MAGI1: variants seen among roughly 807,000 people sequenced by gnomAD.
The protein encoded by MAGI1 is membrane-associated guanylate kinase, WW and PDZ domain-containing protein 1.
Under a neutral mutation model 139.9 loss-of-function variants are expected in MAGI1, and 58 were observed. That is an observed-to-expected ratio of 0.41 (90% CI 0.34 to 0.52). MAGI1 has a LOEUF of 0.52. MAGI1 is among the 20% of genes least tolerant of loss of function. MAGI1 has a pLI of 0.12. For synonymous variants in MAGI1, 812 were observed against 737.9 expected (o/e 1.10, Z -1.63); for missense variants, 1,874 against 1,901.6 (o/e 0.99, Z 0.27).
chr3:65,848,001 C>A (rs1017025091), intron 1 of MAGI1, among the ~76,000 whole-genome samples: 1 of 152,184 alleles, frequency 6.6e-6, no homozygotes, highest in East Asian at 1.9e-4. Flanking sequence ...GAGACTTCAA[C>A]ATTTTGGTTG....
intron 4 of MAGI1, among the ~76,000 whole-genome samples, chr3:65,473,520 T>C (rs1950680220): frequency 6.6e-6 from 1 of 151,858 alleles, no homozygotes; most frequent in Non-Finnish European, 1.5e-5. Context: ...AAAGAATAAT[T>C]TCATTTGAAA....
intron 1 of MAGI1, among the ~76,000 whole-genome samples, chr3:66,016,999 G>C (rs1467106530): frequency 6.6e-6 from 1 of 152,166 alleles, no homozygotes. Context: ...AAGGGGAATG[G>C]GGAGTTGGTA....
At chr3:66,023,525 AC>A (rs2068072082) in intron 1 of MAGI1, among the ~76,000 whole-genome samples, 1 of 152,216 alleles carries the variant, frequency 6.6e-6, no homozygotes, top group African/African-American at 2.4e-5. Flanking sequence ...GAAGGGCTAC[AC>A]TGGTTTGCAA....
At chr3:65,808,618 C>T (rs1016188904) in intron 1 of MAGI1, among the ~76,000 whole-genome samples, 13 of 152,198 alleles carry the variant, frequency 8.5e-5, no homozygotes, top group Non-Finnish European at 1.6e-4. Flanking sequence ...ATGTAAGCAG[C>T]CAGCACGCTC....
intron 1 of MAGI1, among the ~76,000 whole-genome samples, chr3:65,943,773 G>T (rs1166917985): frequency 6.6e-6 from 1 of 152,130 alleles, no homozygotes; most frequent in Non-Finnish European, 1.5e-5. Flanking sequence ...ATTCCAAGAA[G>T]AATATTCTGT....
At chr3:65,391,023 T>G in intron 14 of MAGI1, 119 bp downstream of exon 14, 1 of 819,406 alleles carries the variant, frequency 1.2e-6, no homozygotes, top group Non-Finnish European at 2.0e-6. Flanking sequence ...TTTTGCATCT[T>G]GCGGATTTCA....
intron 1 of MAGI1, among the ~76,000 whole-genome samples, chr3:65,701,241 C>T (rs186317630): frequency 6.6e-6 from 1 of 152,294 alleles, no homozygotes; most frequent in Admixed American, 6.5e-5. Context: ...AAGAAAAGCT[C>T]TAACTTGATT....
At chr3:65,472,277 A>G (rs1176832457) in intron 4 of MAGI1, among the ~76,000 whole-genome samples, 1 of 152,172 alleles carries the variant, frequency 6.6e-6, no homozygotes, top group Non-Finnish European at 1.5e-5. Flanking sequence ...CATTTCTGGC[A>G]TATCTTTGGA....
At position 65,363,482 on chromosome 3, in the gene MAGI1, T is replaced by A. The variant is rs1015348608; in HGVS notation, c.3478A>T (p.Arg1160Trp). The A allele has an allele frequency of 1.2e-6, 2 of 1,612,112 alleles. No individual in the cohort carries two copies. The highest frequency in any genetic ancestry group is 1.7e-6 in the Non-Finnish European group (2 of 1,179,056). ...LRLAEDGPAE[R>W]CGKMRIGDEI... ...CCACTTACCCTCATCTTTCCACACCTCTCCGCAGGACCGTCCTCTGCTAAG... is the reference window on the plus strand; with the variant it reads ...CCACTTACCCTCATCTTTCCACACCACTCCGCAGGACCGTCCTCTGCTAAG... The change falls in exon 21 of 23, where the codon AGG becomes TGG. Residue 1160 changes from arginine to tryptophan, a missense_variant. Coordinates refer to ENST00000402939, the MANE Select transcript of MAGI1 (RefSeq NM_001033057.2).
intron 1 of MAGI1, among the ~76,000 whole-genome samples, chr3:65,782,379 C>T (rs2039001744): frequency 6.6e-6 from 1 of 151,970 alleles, no homozygotes; most frequent in Admixed American, 6.6e-5. Flanking sequence ...CAGATTCTCC[C>T]ATAAAGCCTT....
chr3:65,739,340 G>A (rs953277576), intron 1 of MAGI1, among the ~76,000 whole-genome samples: 5 of 152,138 alleles, frequency 3.3e-5, no homozygotes, highest in African/African-American at 1.2e-4. Flanking sequence ...TCTGGATCAG[G>A]CTTTGGCTTA....
rs80288533 is a variant in MAGI1, at chr3:65,931,713, T to C, written c.313+106283A>G. On this transcript the variant is annotated intron_variant, in intron 1 of 22. Transcript: ENST00000402939. Reference sequence around the variant, plus strand: ...GCATTCTTGTGCTCTCTTCAACTTATATTACAGGGTAAAAAAACAGTTCCG... The same window carrying C: ...GCATTCTTGTGCTCTCTTCAACTTACATTACAGGGTAAAAAAACAGTTCCG... 3.6e-3 allele frequency among the ~76,000 whole-genome samples: 545 copies of C among 152,208 alleles called. 7 individuals carry two copies. The East Asian group carries it at 0.048, about 13-fold the overall frequency.
intron 1 of MAGI1, among the ~76,000 whole-genome samples, chr3:65,793,845 T>G (rs963707153): frequency 1.3e-5 from 2 of 152,224 alleles, no homozygotes; most frequent in African/African-American, 2.4e-5. Flanking sequence ...ACCAACATCA[T>G]ATAGACAAAA....
chr3:65,849,474 T>TATAC lies in MAGI1; in HGVS notation c.313+188521_313+188522insGTAT, dbSNP rs1234643301. On this transcript the variant is annotated intron_variant, in intron 1 of 22. Transcript: ENST00000402939. ...TAAGCTAAAAGTAAACTTTCATATATATATATATATATCATCAAATATACA... is the reference window on the plus strand; with the variant it reads ...TAAGCTAAAAGTAAACTTTCATATATATACATATATATATATCATCAAATATACA... Among the ~76,000 whole-genome samples, 4 of 146,082 alleles carry TATAC rather than the reference T, an allele frequency of 2.7e-5. No individual in the cohort carries two copies. The East Asian group carries it at 7.8e-4, about 29-fold the overall frequency.
intron 1 of MAGI1, among the ~76,000 whole-genome samples, chr3:65,962,453 C>T (rs1301541523): frequency 6.6e-6 from 1 of 152,062 alleles, no homozygotes; most frequent in Non-Finnish European, 1.5e-5. Context: ...TACTAAAGTT[C>T]CTCCAGGAAC....
At chr3:65,529,728 G>A (rs1305347688) in intron 2 of MAGI1, among the ~76,000 whole-genome samples, 4 of 152,070 alleles carry the variant, frequency 2.6e-5, no homozygotes, top group Non-Finnish European at 4.4e-5. Flanking sequence ...ACATACCTAG[G>A]AGTGAAATAG....
chr3:65,410,444 G>A (rs1184114902), intron 12 of MAGI1, among the ~76,000 whole-genome samples: 1 of 152,174 alleles, frequency 6.6e-6, no homozygotes, highest in East Asian at 1.9e-4. Flanking sequence ...AACCAAGCCT[G>A]TGCTTTTAAA....
intron 2 of MAGI1, among the ~76,000 whole-genome samples, chr3:65,591,358 AC>A (rs1201421558): frequency 9.2e-5 from 14 of 151,820 alleles, no homozygotes; most frequent in East Asian, 1.9e-4. Context: ...TTTTTCTCAC[AC>A]CCCTCAGGTC....
intron 2 of MAGI1, among the ~76,000 whole-genome samples, chr3:65,594,925 C>T (rs894420910): frequency 1.1e-4 from 17 of 152,156 alleles, no homozygotes; most frequent in African/African-American, 3.9e-4. Context: ...AAGCCAACAT[C>T]AGAATAATGC....
Sources: allele counts gnomAD v4.1 joint callset (sites outside exome capture counted in the v4.1 genomes callset), GRCh38; gene constraint gnomAD v4.1.1; transcripts MANE v1.5; gene names NCBI Gene and HGNC (gene_info 2026-07-23, HGNC 2026-07-21).